The following RBFOX1 variants were observed in gnomAD, a reference collection of about 807,000 sequenced individuals.
RBFOX1 encodes RNA binding protein fox-1 homolog 1.
RBFOX1 carries 8 observed loss-of-function variants against 57.7 expected under a neutral mutation model. The ratio of observed to expected loss-of-function variants is 0.14; its 90% confidence interval spans 0.08 to 0.25. RBFOX1 has a LOEUF of 0.25. RBFOX1 is among the 10% of genes least tolerant of loss of function. The pLI is 1.00. For synonymous variants in RBFOX1, 326 were observed against 222.4 expected (o/e 1.47, Z -4.15); for missense variants, 611 against 548.5 (o/e 1.11, Z -1.14).
chr16:6,588,270 A>C (rs1316797995), intron 2 of RBFOX1, among the ~76,000 whole-genome samples: 2 of 151,958 alleles, frequency 1.3e-5, no homozygotes, highest in Admixed American at 1.3e-4. Flanking sequence ...ATACAGCCAC[A>C]AAACAATTCT....
chr16:7,207,981 G>T (rs1349699422), intron 4 of RBFOX1, among the ~76,000 whole-genome samples: 3 of 152,178 alleles, frequency 2.0e-5, no homozygotes, highest in Non-Finnish European at 2.9e-5. Flanking sequence ...TGAGCCTCCT[G>T]TAAGTGGGGT....
chr16:6,555,286 C>A (rs1257907667), intron 2 of RBFOX1, among the ~76,000 whole-genome samples: 1 of 152,158 alleles, frequency 6.6e-6, no homozygotes, highest in Non-Finnish European at 1.5e-5. Context: ...AAATCCTATC[C>A]ATTGGGCATG....
intron 2 of RBFOX1, among the ~76,000 whole-genome samples, chr16:6,472,336 ACAT>A (rs894718014): frequency 6.6e-6 from 1 of 152,182 alleles, no homozygotes; most frequent in African/African-American, 2.4e-5. Context: ...TGCTGGCTGC[ACAT>A]CCCAAGAGCC....
rs1453304217 is a variant in RBFOX1 at position 5,619,722 on chromosome 16, C to T, written c.318+20761C>T. Among the ~76,000 whole-genome samples the T allele has an allele frequency of 2.0e-5, 3 of 152,124 alleles. No homozygotes were observed. The South Asian group carries it at 6.2e-4, about 32-fold the overall frequency. On this transcript the variant is annotated intron_variant, in intron 3 of 19. Coordinates refer to the RBFOX1 transcript ENST00000641259. ...GAGAGGAGGCTCCACTGGGAGCTTG[C>T]TGCCTGACCCATGGTGAGACCTGAG...
At chr16:5,989,678 C>A (rs2060352949) in intron 4 of RBFOX1, among the ~76,000 whole-genome samples, 1 of 151,844 alleles carries the variant, frequency 6.6e-6, no homozygotes, top group Non-Finnish European at 1.5e-5. Context: ...CCATAGTGGA[C>A]CTTAAATTTC....
At chr16:5,254,357 A>G (rs970416257) in intron 1 of RBFOX1, among the ~76,000 whole-genome samples, 1 of 152,200 alleles carries the variant, frequency 6.6e-6, no homozygotes, top group African/African-American at 2.4e-5. Flanking sequence ...GGGTTATGCT[A>G]GAAGATGGTG....
intron 4 of RBFOX1, among the ~76,000 whole-genome samples, chr16:7,062,284 C>G (rs1349718896): frequency 7.8e-6 from 1 of 128,674 alleles, no homozygotes; most frequent in Non-Finnish European, 1.6e-5. Flanking sequence ...TGCCACTGCA[C>G]TCCAGTCTGA....
intron 3 of RBFOX1, among the ~76,000 whole-genome samples, chr16:6,754,469 C>G (rs2075459089): frequency 6.6e-6 from 1 of 152,216 alleles, no homozygotes; most frequent in African/African-American, 2.4e-5. Flanking sequence ...GTTTCTTCCA[C>G]AATTTCAGCT....
chr16:7,567,084 TATATATATCTCCCTATATATGTATATCC>T (rs2091859253), intron 5 of RBFOX1, among the ~76,000 whole-genome samples: 1 of 135,832 alleles, frequency 7.4e-6, no homozygotes, highest in African/African-American at 2.6e-5. Flanking sequence ...AAGCTGGATA[TATATATATCTCCCTATATATGTATATCC>T]ATATATATCT....
intron 2 of RBFOX1, among the ~76,000 whole-genome samples, chr16:6,536,048 T>C (rs2096730782): frequency 6.6e-6 from 1 of 152,186 alleles, no homozygotes; most frequent in African/African-American, 2.4e-5. Context: ...TTCATGCCTT[T>C]GGGAATGGAC....
intron 4 of RBFOX1, among the ~76,000 whole-genome samples, chr16:7,364,273 C>A (rs1390798052): frequency 6.6e-6 from 1 of 152,026 alleles, no homozygotes; most frequent in Non-Finnish European, 1.5e-5. Context: ...AAGACGGAAC[C>A]CTTTGAAGTA....
At chr16:6,256,210 T>TATAC (rs59798630) in intron 1 of RBFOX1, among the ~76,000 whole-genome samples, 7 of 59,360 alleles carry the variant, frequency 1.2e-4, no homozygotes, top group South Asian at 6.1e-4. Context: ...TATGTATATG[T>TATAC]GTATATATAT....
chr16:6,748,542 T>C (rs973675681), intron 3 of RBFOX1, among the ~76,000 whole-genome samples: 1 of 152,114 alleles, frequency 6.6e-6, no homozygotes. Flanking sequence ...GGCATGCATT[T>C]GTAGTCCCAG....
intron 2 of RBFOX1, among the ~76,000 whole-genome samples, chr16:5,534,069 C>T (rs2044593088): frequency 6.6e-6 from 1 of 152,160 alleles, no homozygotes; most frequent in African/African-American, 2.4e-5. Flanking sequence ...GCCACATCTA[C>T]TGCTGCCACC....
At chr16:6,445,571 TTTTTTTTTTTTTGAGATGGAG>T (rs1351040745) in intron 2 of RBFOX1, among the ~76,000 whole-genome samples, 1 of 150,978 alleles carries the variant, frequency 6.6e-6, no homozygotes, top group Non-Finnish European at 1.5e-5. Flanking sequence ...CTTTTTTTTT[TTTTTTTTTTTTTGAGATGGAG>T]TTTTTTTTTG....
chr16:5,909,090 C>CTTTTTTTTTTTTTTTTTTTTTTTTTTTT (rs3041577), intron 4 of RBFOX1, among the ~76,000 whole-genome samples: 1 of 116,390 alleles, frequency 8.6e-6, no homozygotes, highest in Non-Finnish European at 1.7e-5. Context: ...CTAAGCCCCC[C>CTTTTTTTTTTTTTTTTTTTTTTTTTTTT]TTTTTTTTTT....
At chr16:6,379,814 A>G (rs958096306) in intron 2 of RBFOX1, among the ~76,000 whole-genome samples, 2 of 152,146 alleles carry the variant, frequency 1.3e-5, no homozygotes, top group East Asian at 1.9e-4. Flanking sequence ...TTGTTGTGCA[A>G]GAAGGGGGAT....
intron 3 of RBFOX1, among the ~76,000 whole-genome samples, chr16:6,953,602 G>C (rs769455372): frequency 6.6e-6 from 1 of 152,072 alleles, no homozygotes; most frequent in African/African-American, 2.4e-5. Flanking sequence ...GGCCAGCGTG[G>C]TCTGAAACTG....
chr16:6,539,820 C>T (rs2096787699), intron 2 of RBFOX1, among the ~76,000 whole-genome samples: 1 of 151,692 alleles, frequency 6.6e-6, no homozygotes, highest in South Asian at 2.1e-4. Context: ...CACACACACA[C>T]ACACACACAC....
Sources: allele counts gnomAD v4.1 joint callset (sites outside exome capture counted in the v4.1 genomes callset), GRCh38; gene constraint gnomAD v4.1.1; transcripts MANE v1.5; gene names NCBI Gene and HGNC (gene_info 2026-07-23, HGNC 2026-07-21).